Variants in KCNQ1 observed in about 807,000 individuals in gnomAD.
KCNQ1 encodes potassium voltage-gated channel subfamily KQT member 1.
A neutral mutation model predicts 72.4 loss-of-function variants in KCNQ1; 49 were observed. The observed-to-expected ratio is 0.68, with a 90% confidence interval of 0.54 to 0.86. KCNQ1 has a LOEUF of 0.86. Ranked by LOEUF, KCNQ1 falls within the 40% of genes least tolerant of loss-of-function variation. KCNQ1 has a pLI of 0.00. For missense variants in KCNQ1, 790 were observed against 945.1 expected, an observed-to-expected ratio of 0.84 and a Z score of 2.15; for synonymous variants, 450 against 412.6, an observed-to-expected ratio of 1.09 and a Z score of -1.10.
intron 2 of KCNQ1, among the ~76,000 whole-genome samples, chr11:2,548,998 G>C (rs1847940149): frequency 6.6e-6 from 1 of 152,302 alleles, no homozygotes; most frequent in South Asian, 2.1e-4. Context: ...GAGGATGTTT[G>C]GTGACAGGTG....
chr11:2,506,952 A>G (rs1847114652), intron 1 of KCNQ1, among the ~76,000 whole-genome samples: 1 of 152,062 alleles, frequency 6.6e-6, no homozygotes, highest in Non-Finnish European at 1.5e-5. Flanking sequence ...AGTCATTTAT[A>G]TTGTGGGAAC....
Position 2,711,644 on chromosome 11 carries a change from A to C in KCNQ1, c.1514+49563A>C, listed in dbSNP as rs1851008981. Among the ~76,000 whole-genome samples, 1 of 152,194 alleles carries C rather than the reference A, an allele frequency of 6.6e-6. No individual in the cohort carries two copies. Among genetic ancestry groups the C allele is most frequent in the Non-Finnish European group, 1.5e-5 (1 of 68,026 alleles). On this transcript the variant is annotated intron_variant, in intron 11 of 15. Coordinates refer to ENST00000155840, the MANE Select transcript of KCNQ1 (RefSeq NM_000218.3). This position sits in a 1 kb window ranked among gnomAD's most constrained non-coding sequence, Gnocchi z 5.4. ...AGGGTCCCACAGAGGGTCTGTGGGT[A>C]CAATGGAGCTATTTCCCAGTCAGAC...
At chr11:2,570,600 C>T in intron 2 of KCNQ1, 28 bp from the exon 3 acceptor site, 1 of 1,610,536 alleles carries the variant, frequency 6.2e-7, no homozygotes, top group Non-Finnish European at 8.5e-7. Context: ...AGCCTGCCTG[C>T]AGTGAGCGTC....
At position 2,620,197 on chromosome 11, in the gene KCNQ1, A is replaced by ATG; in HGVS notation, c.1393+31345_1393+31346dup. ...TGCTGCAAAGGACGTAAGTTCATTC[A>ATG]TGTATATATATATATTTTTTTTTTT... is the stretch of plus-strand genomic sequence containing the variant. On this transcript the variant is annotated intron_variant, in intron 10 of 15. Transcript: ENST00000155840. This position sits in a 1 kb window ranked among gnomAD's most constrained non-coding sequence, Gnocchi z 4.5. 9.1e-6 allele frequency: 3 copies of ATG among 331,450 alleles called. No homozygotes were observed. The highest frequency in any genetic ancestry group is 1.7e-4 in the South Asian group (1 of 6,054). The allele number at this position is 331,450 out of a possible 1,614,324, so 20.5% of individuals were successfully genotyped here. A position where few individuals can be genotyped will look rare whatever the true frequency, so the allele number is the denominator to read the frequency against.
intron 15 of KCNQ1, among the ~76,000 whole-genome samples, chr11:2,789,479 C>T (rs1013321589): frequency 6.6e-6 from 1 of 152,216 alleles, no homozygotes; most frequent in Non-Finnish European, 1.5e-5. Flanking sequence ...AGCCCCAGTG[C>T]CCGCCACAGA....
At chr11:2,461,441 C>G (rs1310729045) in intron 1 of KCNQ1, 1 of 1,283,592 alleles carries the variant, frequency 7.8e-7, no homozygotes, top group Non-Finnish European at 1.0e-6. Flanking sequence ...GGCCCCTCTT[C>G]CCTTCCTCCC....
rs1288587038 is a variant in KCNQ1, at chr11:2,817,445, A to G, written c.1795-30322A>G. Among the ~76,000 whole-genome samples the G allele has an allele frequency of 6.6e-6, 1 of 152,086 alleles. No homozygotes were observed. Among genetic ancestry groups the G allele is most frequent in the Non-Finnish European group, 1.5e-5 (1 of 68,018 alleles). ...ATACCCTTAGGATGAAGCTGACCCC[A>G]GTCGTGGCAGCCACCCCAGCAGTCA... On this transcript the variant is annotated intron_variant, in intron 15 of 15. Transcript: ENST00000155840. The surrounding 1 kb of genome is among the most constrained non-coding windows in gnomAD (Gnocchi z 6.1).
rs1029854720 is a variant in KCNQ1 at position 2,713,627 on chromosome 11, A to G, written c.1514+51546A>G. ...CAGCAAGAGAAAAAAGTGAGCTGAC[A>G]TTATGGGTCGGCCCCTGTTCTGGAG... On this transcript the variant is annotated intron_variant, in intron 11 of 15. Transcript: ENST00000155840. The surrounding 1 kb of genome is among the most constrained non-coding windows in gnomAD (Gnocchi z 5.6). 1.3e-5 allele frequency among the ~76,000 whole-genome samples: 2 copies of G among 152,132 alleles called. No individual in the cohort carries two copies. Among genetic ancestry groups the G allele is most frequent in the Non-Finnish European group, 2.9e-5 (2 of 68,022 alleles).
intron 11 of KCNQ1, chr11:2,675,835 G>A (rs2073953): frequency 0.014 from 5,602 of 398,684 alleles, 188 homozygotes; most frequent in East Asian, 0.094. Flanking sequence ...CTGCCCTACC[G>A]TGCATCCACT....
rs1404399252 is a variant in KCNQ1, at chr11:2,787,243, A to G, written c.1794+9206A>G. Among the ~76,000 whole-genome samples the G allele has an allele frequency of 2.0e-5, 3 of 152,124 alleles. No individual in the cohort carries two copies. Among genetic ancestry groups the G allele is most frequent in the East Asian group, 1.9e-4 (1 of 5,192 alleles). On this transcript the variant is annotated intron_variant, in intron 15 of 15. Transcript: ENST00000155840. The surrounding 1 kb of genome is among the most constrained non-coding windows in gnomAD (Gnocchi z 6.3). ...TAGCAGTAATGCAGTTTTCTTTACA[A>G]TCTTCTCAGGGAGTAGGAGATTTTT...
chr11:2,542,186 C>T (rs1299229705), intron 2 of KCNQ1, among the ~76,000 whole-genome samples: 1 of 152,246 alleles, frequency 6.6e-6, no homozygotes, highest in Non-Finnish European at 1.5e-5. Context: ...CAGGTCATAT[C>T]AGGACCTCAG....
Position 2,537,410 on chromosome 11 carries a change from G to T in KCNQ1, c.477+9392G>T, listed in dbSNP as rs58978657. Among the ~76,000 whole-genome samples, 11,660 of 152,208 alleles carry T rather than the reference G, an allele frequency of 0.077. 506 individuals carry two copies. Among genetic ancestry groups the T allele is most frequent in the Middle Eastern group, 0.1 (30 of 294 alleles). The stretch of plus-strand genomic sequence containing the variant: ...GTTGCTAGGGGCATTTAAACTTGCA[G>T]TCGAATTAGTAACAATTTTATTTTT... On this transcript the variant is annotated intron_variant, in intron 2 of 15. Transcript: ENST00000155840. The surrounding 1 kb of genome is among the most constrained non-coding windows in gnomAD (Gnocchi z 5.2).
chr11:2,531,214 ACG>A (rs1847621861), intron 2 of KCNQ1, among the ~76,000 whole-genome samples: 4 of 150,892 alleles, frequency 2.7e-5, no homozygotes, highest in African/African-American at 7.3e-5. Flanking sequence ...CGAGAATTAG[ACG>A]TGCCCTGGGC....
In KCNQ1 at chr11:2,785,533, T is replaced by C. The variant is rs1483861275; in HGVS notation, c.1794+7496T>C. Among the ~76,000 whole-genome samples the C allele has an allele frequency of 6.6e-6, 1 of 151,916 alleles. No homozygotes were observed. The highest frequency in any genetic ancestry group is 2.4e-5 in the African/African-American group (1 of 41,452). On this transcript the variant is annotated intron_variant, in intron 15 of 15. Transcript: ENST00000155840. The surrounding 1 kb of genome is among the most constrained non-coding windows in gnomAD (Gnocchi z 4.4). The stretch of plus-strand genomic sequence containing the variant: ...TCAGATTTTTAAATCCTTTTCTTTT[T>C]AATCCTACAACCGTAGGATTTCAGG...
chr11:2,754,033 A>G (rs967995612), intron 11 of KCNQ1, among the ~76,000 whole-genome samples: 1 of 152,274 alleles, frequency 6.6e-6, no homozygotes, highest in Non-Finnish European at 1.5e-5. Context: ...AAGAGCAGAT[A>G]CAAATGGCAA....
rs1846714983 is a variant in KCNQ1, at chr11:2,484,886, C to G, written c.386+39402C>G. 6.6e-6 allele frequency among the ~76,000 whole-genome samples: 1 copy of G among 152,242 alleles called. No individual in the cohort carries two copies. Among genetic ancestry groups the G allele is most frequent in the Non-Finnish European group, 1.5e-5 (1 of 68,040 alleles). ...TGCCCCAGTGGGGCCAATTCTCTCTCTTTGTTGTAACACCTTTCTTCAATA... is the reference window on the plus strand; with the variant it reads ...TGCCCCAGTGGGGCCAATTCTCTCTGTTTGTTGTAACACCTTTCTTCAATA... On this transcript the variant is annotated intron_variant, in intron 1 of 15. Transcript: ENST00000155840. The surrounding 1 kb of genome is among the most constrained non-coding windows in gnomAD (Gnocchi z 5.2).
intron 1 of KCNQ1, among the ~76,000 whole-genome samples, chr11:2,449,139 C>A (rs1173979073): frequency 6.6e-6 from 1 of 152,206 alleles, no homozygotes; most frequent in South Asian, 2.1e-4. Context: ...GGGTCCTGGG[C>A]CTTCTGAGTC....
At chr11:2,573,755 G>A (rs1436031370) in intron 6 of KCNQ1, among the ~76,000 whole-genome samples, 5 of 152,242 alleles carry the variant, frequency 3.3e-5, no homozygotes, top group Admixed American at 2.0e-4. Flanking sequence ...GAGGCTGTGC[G>A]GGAGGGGTGG....
At position 2,445,336 on chromosome 11, in the gene KCNQ1, G is replaced by C. The variant is rs1846021062; in HGVS notation, c.238G>C (p.Gly80Arg). 6.3e-7 allele frequency: 1 copy of C among 1,589,574 alleles called. No individual in the cohort carries two copies. The highest frequency in any genetic ancestry group is 8.5e-7 in the Non-Finnish European group (1 of 1,175,954). ...PAAPPVASDL[G>R]PRPPVSLDPR... ...CGCGCCCCCAGTTGCCTCCGACCTT[G>C]GCCCGCGGCCGCCGGTGAGCCTAGA... Residue 80 changes from glycine (G) to arginine (R), a missense_variant, in exon 1 of 16, where the codon GGC becomes CGC. By Grantham distance (125) the Gly-to-Arg change is moderately radical. Transcript: ENST00000155840.
Sources: allele counts gnomAD v4.1 joint callset (sites outside exome capture counted in the v4.1 genomes callset), GRCh38; gene constraint gnomAD v4.1.1; non-coding constraint Gnocchi (gnomAD v3.1); transcripts MANE v1.5; gene names NCBI Gene and HGNC (gene_info 2026-07-23, HGNC 2026-07-21).